Variants in FILIP1 observed in about 807,000 individuals in gnomAD.
The protein encoded by FILIP1 is filamin A interacting protein 1.
In FILIP1, 61 loss-of-function variants were observed where a neutral mutation model predicts 102.1. The observed-to-expected ratio is 0.60, with a 90% CI of 0.49 to 0.74. The LOEUF (loss-of-function observed/expected upper bound fraction) is 0.74. Among genes scored for constraint, FILIP1 ranks in the 30% least tolerant of loss-of-function variants. The pLI is 0.00. For synonymous variants in FILIP1, 491 were observed against 526.9 expected, an observed-to-expected ratio of 0.93 and a Z score of 0.93; for missense variants, 1,314 against 1,441.2, an observed-to-expected ratio of 0.91 and a Z score of 1.43.
At chr6:75,415,426 AAAAT>A (rs772485934) in intron 1 of FILIP1, among the ~76,000 whole-genome samples, 30 of 151,852 alleles carry the variant, frequency 2.0e-4, no homozygotes, top group Middle Eastern at 6.8e-3. Context: ...AAATAAAATA[AAAAT>A]AAATAAATAA....
At chr6:75,426,387 T>A (rs1241792661) in intron 1 of FILIP1, among the ~76,000 whole-genome samples, 1 of 151,928 alleles carries the variant, frequency 6.6e-6, no homozygotes, top group Non-Finnish European at 1.5e-5. Flanking sequence ...AAATTGAGAG[T>A]AGGATTCCGC....
chr6:75,465,351 C>A, intron 1 of FILIP1: 2 of 423,982 alleles, frequency 4.7e-6, no homozygotes, highest in Non-Finnish European at 8.5e-6. Flanking sequence ...CCTAAATAAC[C>A]AGAAGCAGCC....
At chr6:75,486,543 T>C (rs1779793602) in intron 1 of FILIP1, among the ~76,000 whole-genome samples, 1 of 152,202 alleles carries the variant, frequency 6.6e-6, no homozygotes, top group African/African-American at 2.4e-5. Flanking sequence ...GTAAAACATC[T>C]CATAGTCATC....
intron 2 of FILIP1, among the ~76,000 whole-genome samples, chr6:75,402,765 G>A (rs1562551606): frequency 6.6e-6 from 1 of 152,232 alleles, no homozygotes; most frequent in East Asian, 1.9e-4. Flanking sequence ...TAGAATCATA[G>A]TATTGTAGTG....
At chr6:75,442,255 T>A (rs1221592578) in intron 1 of FILIP1, among the ~76,000 whole-genome samples, 3 of 151,090 alleles carry the variant, frequency 2.0e-5, no homozygotes. Flanking sequence ...GCAGAGACGC[T>A]CCTCACTTTC....
chr6:75,393,377 C>G (rs1025824799), intron 2 of FILIP1, among the ~76,000 whole-genome samples: 2 of 152,028 alleles, frequency 1.3e-5, no homozygotes, highest in Admixed American at 6.6e-5. Flanking sequence ...AAACAAATAT[C>G]ATTTTCCTAA....
chr6:75,353,819 G>A (rs1320919344), intron 3 of FILIP1, 102 bp from the exon 4 acceptor site: 4 of 1,115,490 alleles, frequency 3.6e-6, no homozygotes, highest in African/African-American at 1.6e-5. Flanking sequence ...ACCTGAAAGC[G>A]AGAACAGTGA....
At position 75,441,929 on chromosome 6, in the gene FILIP1, G is replaced by A. The variant is rs532718111; in HGVS notation, c.-6-26951C>T. On this transcript the variant is annotated intron_variant, in intron 1 of 5. Transcript: ENST00000237172. ...CCCGGACGGGGCGGCTGGCCGGGCG[G>A]GGGGCTGACCCCCACCTCCCTCCCG... Among the ~76,000 whole-genome samples the A allele has an allele frequency of 2.6e-5, 4 of 151,346 alleles. No individual in the cohort carries two copies. In the East Asian group the frequency reaches 7.9e-4, roughly 30 times the overall value.
chr6:75,296,622 C>T (rs1348716298), intron 6 of FILIP1: 1 of 150,656 alleles, frequency 6.6e-6, no homozygotes, highest in Non-Finnish European at 1.5e-5. Flanking sequence ...GTCTCAGCCT[C>T]CCCAGTAGCT....
rs141307600 is a variant in FILIP1, at chr6:75,440,904, G to T, written c.-6-25926C>A. Among the ~76,000 whole-genome samples the T allele has an allele frequency of 2.4e-4, 36 of 150,444 alleles. No individual in the cohort carries two copies. The East Asian group carries it at 3.3e-3, about 14-fold the overall frequency. On this transcript the variant is annotated intron_variant, in intron 1 of 5. Coordinates refer to ENST00000237172, the MANE Select transcript of FILIP1 (RefSeq NM_015687.5). ...GTGGAGGTTGCAGTGAGCCGAGATC[G>T]TGCCGTTGCACTCCAGCCTGGGCAA...
At chr6:75,373,030 C>A (rs1489424679) in intron 2 of FILIP1, among the ~76,000 whole-genome samples, 1 of 152,058 alleles carries the variant, frequency 6.6e-6, no homozygotes, top group Non-Finnish European at 1.5e-5. Context: ...TAAGAAGAAT[C>A]CAAGTATCCA....
chr6:75,392,908 C>T (rs572614057), intron 2 of FILIP1, among the ~76,000 whole-genome samples: 12 of 152,294 alleles, frequency 7.9e-5, no homozygotes, highest in South Asian at 2.1e-4. Flanking sequence ...CCTTGCCTTC[C>T]GCCATGATCG....
At chr6:75,336,840 T>TA (rs1395353442) in intron 4 of FILIP1, among the ~76,000 whole-genome samples, 2 of 152,186 alleles carry the variant, frequency 1.3e-5, no homozygotes, top group African/African-American at 4.8e-5. Context: ...ATATTTATTA[T>TA]AATTAATTAA....
Position 75,308,198 on chromosome 6 carries a change from G to A in FILIP1, c.*493C>T. On this transcript the variant is annotated 3_prime_UTR_variant, in exon 6 of 6. Transcript: ENST00000237172. ...GAGGTCCAGGCCCTGTGATAGCTATGTGATGTTTTTTCCAGCACATAAAGC... is the reference window on the plus strand; with the variant it reads ...GAGGTCCAGGCCCTGTGATAGCTATATGATGTTTTTTCCAGCACATAAAGC... The A allele has an allele frequency of 1.0e-6, 1 of 988,358 alleles. No homozygotes were observed. The highest frequency in any genetic ancestry group is 1.2e-6 in the Non-Finnish European group (1 of 831,552). The allele number at this position is 988,358 out of a possible 1,614,324, so 61.2% of individuals were successfully genotyped here. A position where few individuals can be genotyped will look rare whatever the true frequency, so the allele number is the denominator to read the frequency against.
chr6:75,322,213 CT>C (rs533160566), intron 4 of FILIP1, among the ~76,000 whole-genome samples: 2 of 151,450 alleles, frequency 1.3e-5, no homozygotes, highest in Non-Finnish European at 2.9e-5. Context: ...TATTACATCT[CT>C]TTTTTTTTCA....
At position 75,337,747 on chromosome 6, in the gene FILIP1, C is replaced by A. The variant is rs1269892172; in HGVS notation, c.629+15792G>T. ...CAGGTCTGGATAATAGTTCTTCCCA[C>A]AACTATGCCTTCTTCCTTGGGAATA... On this transcript the variant is annotated intron_variant, in intron 4 of 5. Transcript: ENST00000237172. Among the ~76,000 whole-genome samples the A allele has an allele frequency of 2.0e-5, 3 of 152,232 alleles. No homozygotes were observed. The East Asian group carries it at 5.8e-4, about 29-fold the overall frequency.
At chr6:75,295,973 G>T in intron 6 of FILIP1, 3 of 1,411,840 alleles carry the variant, frequency 2.1e-6, no homozygotes, top group Non-Finnish European at 1.8e-6. Flanking sequence ...AAAAGACATG[G>T]CATTTTCAAT....
At position 75,313,087 on chromosome 6, in the gene FILIP1, T is replaced by C; in HGVS notation, c.2745A>G (p.Thr915=). The C allele has an allele frequency of 6.2e-7, 1 of 1,614,214 alleles. No individual in the cohort carries two copies. The highest frequency in any genetic ancestry group is 8.5e-7 in the Non-Finnish European group (1 of 1,180,028). The change falls in exon 5 of 6, where the codon ACA becomes ACG. Residue 915 remains threonine, a synonymous_variant. Transcript: ENST00000237172. The surrounding 1 kb of genome is among the most constrained non-coding windows in gnomAD (Gnocchi z 4.2). The part of the protein sequence containing the change: ...KQGQPLHIRV[T]PDHENSTATL... ...TCGCAGTGCTGTTCTCGTGGTCTGG[T>C]GTCACTCGAATATGCAGGGGCTGGC...
Position 75,313,706 on chromosome 6 carries a change from CTG to C in FILIP1, c.2124_2125del (p.His708GlnfsTer8). 6.4e-7 allele frequency: 1 copy of C among 1,563,218 alleles called. No individual in the cohort carries two copies. Among genetic ancestry groups the C allele is most frequent in the Non-Finnish European group, 8.6e-7 (1 of 1,160,136 alleles). ...ACTTTTAGCTTCTTCCAACCGAAATCTGTGTCTCAGTTCAGCTTCCTGGCTCA... is the reference window on the plus strand; with the variant it reads ...ACTTTTAGCTTCTTCCAACCGAAATCTGTCTCAGTTCAGCTTCCTGGCTCA... On this transcript the variant is annotated frameshift_variant, in exon 5 of 6. Coordinates refer to ENST00000237172, the MANE Select transcript of FILIP1 (RefSeq NM_015687.5). LOFTEE classifies it high-confidence loss of function. The surrounding 1 kb of genome is among the most constrained non-coding windows in gnomAD (Gnocchi z 4.2).
Sources: gnomAD v4.1 joint callset for allele counts (sites outside exome capture counted in the v4.1 genomes callset) on GRCh38, gnomAD v4.1.1 for gene constraint, Gnocchi (gnomAD v3.1) non-coding constraint, MANE v1.5 for transcripts, NCBI Gene and HGNC (gene_info 2026-07-23, HGNC 2026-07-21) for gene names.